Variants in NXPH1 observed in about 807,000 individuals in gnomAD.
NXPH1 encodes the protein neurexophilin-1.
NXPH1 carries 5 observed loss-of-function variants against 23.7 expected under a neutral mutation model. That is an observed-to-expected ratio of 0.21 (90% CI 0.11 to 0.44). The LOEUF (loss-of-function observed/expected upper bound fraction) is 0.44, where lower values mean the gene tolerates loss of function less well. Ranked by LOEUF, NXPH1 falls within the 20% of genes least tolerant of loss-of-function variation. NXPH1 has a pLI of 0.99. For synonymous variants in NXPH1, 144 were observed against 122.2 expected (o/e 1.18, Z -1.18); for missense variants, 324 against 321.6 (o/e 1.01, Z -0.06).
chr7:8,735,473 C>T (rs1451587778), intron 2 of NXPH1, among the ~76,000 whole-genome samples: 2 of 152,162 alleles, frequency 1.3e-5, no homozygotes, highest in African/African-American at 4.8e-5. Flanking sequence ...AGCCTTGCAT[C>T]CCAGGGATGA....
intron 2 of NXPH1, among the ~76,000 whole-genome samples, chr7:8,529,866 C>T (rs919437309): frequency 6.6e-6 from 1 of 152,136 alleles, no homozygotes; most frequent in Non-Finnish European, 1.5e-5. Context: ...TTTCTGGCCT[C>T]TCTCTTCTAC....
rs758992238 is a variant in NXPH1, at chr7:8,751,182, G to A, written c.229G>A (p.Asp77Asn). Residue 77 changes from aspartate (D) to asparagine (N), a missense_variant, in exon 3 of 3, where the codon GAC becomes AAC. Coordinates refer to ENST00000405863, the MANE Select transcript of NXPH1 (RefSeq NM_152745.3). The surrounding 1 kb of genome is among the most constrained non-coding windows in gnomAD (Gnocchi z 4.5). ...ENDTDLDLRY[D>N]TPEPYSEQDL... is the part of the protein sequence containing the mutation. The stretch of plus-strand genomic sequence containing the variant: ...TGATACAGATTTGGACCTGAGATAT[G>A]ACACCCCAGAACCTTATTCTGAGCA... 8.1e-6 allele frequency: 13 copies of A among 1,613,804 alleles called. No individual in the cohort carries two copies. In the East Asian group the frequency reaches 2.7e-4, roughly 33 times the overall value.
At chr7:8,471,597 A>T (rs146556370) in intron 2 of NXPH1, among the ~76,000 whole-genome samples, 54 of 152,252 alleles carry the variant, frequency 3.5e-4, no homozygotes, top group African/African-American at 1.3e-3. Context: ...TTGGCATGGA[A>T]CAGTAGGAGG....
chr7:8,453,424 G>A (rs781203341), intron 2 of NXPH1, among the ~76,000 whole-genome samples: 3 of 152,130 alleles, frequency 2.0e-5, no homozygotes, highest in Non-Finnish European at 4.4e-5. Context: ...GGCTGTATAT[G>A]CCAAACACGG....
chr7:8,689,139 A>G (rs1249241168), intron 2 of NXPH1, among the ~76,000 whole-genome samples: 1 of 152,190 alleles, frequency 6.6e-6, no homozygotes, highest in Non-Finnish European at 1.5e-5. Flanking sequence ...AGTATATAGG[A>G]TGGCTAACTT....
intron 2 of NXPH1, among the ~76,000 whole-genome samples, chr7:8,620,180 C>A (rs1217054717): frequency 6.6e-6 from 1 of 152,074 alleles, no homozygotes; most frequent in African/African-American, 2.4e-5. Context: ...AAGCACAGTT[C>A]TAACATATAA....
intron 2 of NXPH1, among the ~76,000 whole-genome samples, chr7:8,475,865 C>G (rs1816961398): frequency 6.6e-6 from 1 of 152,156 alleles, no homozygotes. Flanking sequence ...TTATCTTGAA[C>G]TGGCATTTGA....
At chr7:8,708,752 G>C (rs181644835) in intron 2 of NXPH1, among the ~76,000 whole-genome samples, 1 of 152,212 alleles carries the variant, frequency 6.6e-6, no homozygotes, top group East Asian at 1.9e-4. Context: ...ATCATACTAT[G>C]AAGAATGCTA....
intron 2 of NXPH1, among the ~76,000 whole-genome samples, chr7:8,465,654 T>C (rs907677871): frequency 2.6e-5 from 4 of 152,212 alleles, no homozygotes; most frequent in Non-Finnish European, 4.4e-5. Context: ...TCCATTCTGC[T>C]GCTGACACTC....
chr7:8,677,971 T>C (rs1321582191), intron 2 of NXPH1, among the ~76,000 whole-genome samples: 4 of 151,940 alleles, frequency 2.6e-5, no homozygotes, highest in African/African-American at 9.7e-5. Flanking sequence ...TAACTATATA[T>C]GGTTATAAAA....
intron 2 of NXPH1, among the ~76,000 whole-genome samples, chr7:8,730,630 G>A (rs1289850289): frequency 6.6e-6 from 1 of 152,090 alleles, no homozygotes; most frequent in Non-Finnish European, 1.5e-5. Flanking sequence ...GAAATTCTGG[G>A]TTGACAATTC....
At chr7:8,646,342 C>G (rs1006098194) in intron 2 of NXPH1, among the ~76,000 whole-genome samples, 1 of 152,076 alleles carries the variant, frequency 6.6e-6, no homozygotes, top group Non-Finnish European at 1.5e-5. Context: ...ATCCGACAAT[C>G]TTTTAAACTC....
intron 2 of NXPH1, among the ~76,000 whole-genome samples, chr7:8,615,121 T>TGTTGGGGG (rs1819707776): frequency 6.6e-6 from 1 of 152,058 alleles, no homozygotes; most frequent in Admixed American, 6.6e-5. Context: ...GAATTGTTTC[T>TGTTGGGGG]ATTGGGGGAA....
chr7:8,704,095 T>A (rs182644246), intron 2 of NXPH1, among the ~76,000 whole-genome samples: 1 of 152,170 alleles, frequency 6.6e-6, no homozygotes, highest in African/African-American at 2.4e-5. Flanking sequence ...TAGCATAAGG[T>A]TAAACTTACT....
chr7:8,444,591 G>A lies in NXPH1; in HGVS notation c.54+8824G>A, dbSNP rs202096833. On this transcript the variant is annotated intron_variant, in intron 2 of 2. Coordinates refer to ENST00000405863, the MANE Select transcript of NXPH1 (RefSeq NM_152745.3). The stretch of plus-strand genomic sequence containing the variant: ...GCCCCCGATGGACAGCTGCTGGGAT[G>A]AAACTTGTATTCCTGTACAGGTGTC... 9.2e-5 allele frequency among the ~76,000 whole-genome samples: 14 copies of A among 152,374 alleles called. No homozygotes were observed. In the East Asian group the frequency reaches 2.3e-3, roughly 25 times the overall value.
rs146860717 is a variant in NXPH1, at chr7:8,741,366, G to A, written c.55-9642G>A. Among the ~76,000 whole-genome samples the A allele has an allele frequency of 7.1e-4, 108 of 152,228 alleles. No homozygotes were observed. The East Asian group carries it at 0.02, about 29-fold the overall frequency. ...AATAATGCTGCAATGAATATAAAAT[G>A]CAGATTTTTTTTGAGACCCTGATTT... On this transcript the variant is annotated intron_variant, in intron 2 of 2. Coordinates refer to ENST00000405863, the MANE Select transcript of NXPH1 (RefSeq NM_152745.3).
chr7:8,518,822 G>A (rs1195441477), intron 2 of NXPH1, among the ~76,000 whole-genome samples: 4 of 152,146 alleles, frequency 2.6e-5, no homozygotes, highest in Non-Finnish European at 4.4e-5. Context: ...AGCCACATAA[G>A]CTTGTGCTTA....
chr7:8,733,049 C>A (rs1780185854), intron 2 of NXPH1, among the ~76,000 whole-genome samples: 1 of 151,768 alleles, frequency 6.6e-6, no homozygotes, highest in African/African-American at 2.4e-5. Flanking sequence ...CCTGACAGGC[C>A]CCCTGTGTGT....
intron 2 of NXPH1, among the ~76,000 whole-genome samples, chr7:8,750,673 A>G (rs1247358152): frequency 6.6e-6 from 1 of 152,196 alleles, no homozygotes; most frequent in Non-Finnish European, 1.5e-5. Flanking sequence ...TCTTCCATTA[A>G]CCAGTGGTTT....
Sources: gnomAD v4.1 joint callset for allele counts (sites outside exome capture counted in the v4.1 genomes callset) on GRCh38, gnomAD v4.1.1 for gene constraint, Gnocchi (gnomAD v3.1) non-coding constraint, MANE v1.5 for transcripts, NCBI Gene and HGNC (gene_info 2026-07-23, HGNC 2026-07-21) for gene names.